PRKDC: variants seen among roughly 807,000 people sequenced by gnomAD.
PRKDC encodes DNA-dependent protein kinase catalytic subunit.
A neutral mutation model predicts 486.9 loss-of-function variants in PRKDC; 82 were observed. The observed-to-expected ratio is 0.17, with a 90% CI of 0.14 to 0.20. PRKDC has a LOEUF of 0.20. Among genes scored for constraint, PRKDC ranks in the 10% least tolerant of loss-of-function variants. PRKDC has a pLI of 1.00. For missense variants in PRKDC, 4,504 were observed against 5,038.2 expected, an observed-to-expected ratio of 0.89 and a Z score of 3.21; for synonymous variants, 1,895 against 1,837.0, an observed-to-expected ratio of 1.03 and a Z score of -0.81.
chr8:47,933,307 G>T, intron 15 of PRKDC, 135 bp from the exon 16 acceptor site: 1 of 679,994 alleles, frequency 1.5e-6, no homozygotes, highest in South Asian at 3.1e-5. Context: ...AACTGCAGCA[G>T]ATTTACCTGG....
intron 1 of PRKDC, among the ~76,000 whole-genome samples, chr8:47,958,753 T>G (rs7015408): frequency 0.011 from 1,696 of 150,810 alleles, 38 homozygotes; most frequent in African/African-American, 0.038. Flanking sequence ...TTTTTTTTTT[T>G]GGGACGGAGT....
intron 26 of PRKDC, 55 bp downstream of exon 26, chr8:47,904,814 C>T: frequency 7.6e-7 from 1 of 1,307,594 alleles, no homozygotes; most frequent in Non-Finnish European, 1.1e-6. Flanking sequence ...AATAAACAAA[C>T]ATCAAATACA....
chr8:47,933,756 T>C lies in PRKDC; in HGVS notation c.1623+209A>G, dbSNP rs57269499. Among the ~76,000 whole-genome samples the C allele has an allele frequency of 3.9e-5, 6 of 152,184 alleles. No individual in the cohort carries two copies. In the East Asian group the frequency reaches 1.2e-3, roughly 29 times the overall value. On this transcript the variant is annotated intron_variant, in intron 15 of 85. Coordinates refer to ENST00000314191, the MANE Select transcript of PRKDC (RefSeq NM_006904.7). ...GCTACAGTAACTAATGTTAAAGGAGTTCTATGTCTGTGTTTCTTTCAATTC... is the reference window on the plus strand; with the variant it reads ...GCTACAGTAACTAATGTTAAAGGAGCTCTATGTCTGTGTTTCTTTCAATTC...
intron 61 of PRKDC, among the ~76,000 whole-genome samples, chr8:47,829,537 A>C (rs1455882628): frequency 6.6e-6 from 1 of 152,220 alleles, no homozygotes; most frequent in Non-Finnish European, 1.5e-5. Flanking sequence ...GCTATGTATG[A>C]CTAAAACATA....
Position 47,860,079 on chromosome 8 carries a change from C to T in PRKDC, c.6059-320G>A, listed in dbSNP as rs185506371. On this transcript the variant is annotated intron_variant, in intron 45 of 85. Transcript: ENST00000314191. ...TGTACATTTTGCCCATTAAGTCTAA[C>T]AAAAATGTGGGAAGAAATACCACTG... Among the ~76,000 whole-genome samples, 8 of 152,218 alleles carry T rather than the reference C, an allele frequency of 5.3e-5. No homozygotes were observed. The East Asian group carries it at 1.3e-3, about 26-fold the overall frequency.
chr8:47,899,785 T>C (rs1269955927), intron 28 of PRKDC, among the ~76,000 whole-genome samples: 1 of 152,222 alleles, frequency 6.6e-6, no homozygotes, highest in African/African-American at 2.4e-5. Flanking sequence ...AACGGGGAGT[T>C]AAGAAGTCTT....
At chr8:47,813,309 G>A (rs1327876642) in intron 68 of PRKDC, among the ~76,000 whole-genome samples, 1 of 151,782 alleles carries the variant, frequency 6.6e-6, no homozygotes, top group African/African-American at 2.4e-5. Context: ...GTAGAGGCAG[G>A]GCTTCACCAT....
chr8:47,810,887 A>C (rs1335495725), intron 68 of PRKDC, among the ~76,000 whole-genome samples: 1 of 152,232 alleles, frequency 6.6e-6, no homozygotes, highest in Non-Finnish European at 1.5e-5. Flanking sequence ...AATCTGATGA[A>C]TAAACAACAA....
At chr8:47,783,937 C>A in intron 77 of PRKDC, 128 bp from the exon 78 acceptor site, 2 of 919,470 alleles carry the variant, frequency 2.2e-6, no homozygotes, top group South Asian at 2.9e-5. Flanking sequence ...GAAAAGTTTT[C>A]ACTTAAAGGG....
At chr8:47,955,493 CAT>C (rs1323170195) in intron 4 of PRKDC, among the ~76,000 whole-genome samples, 1 of 127,290 alleles carries the variant, frequency 7.9e-6, no homozygotes, top group Non-Finnish European at 1.7e-5. Flanking sequence ...AAAAAGAAAA[CAT>C]ATGAACTCTT....
intron 74 of PRKDC, among the ~76,000 whole-genome samples, chr8:47,791,921 C>G (rs1260858880): frequency 6.6e-6 from 1 of 152,082 alleles, no homozygotes; most frequent in Admixed American, 6.5e-5. Flanking sequence ...CTATTCACAA[C>G]GGCCAAAATT....
At chr8:47,872,627 C>G (rs2088980751) in intron 40 of PRKDC, among the ~76,000 whole-genome samples, 1 of 151,616 alleles carries the variant, frequency 6.6e-6, no homozygotes, top group Non-Finnish European at 1.5e-5. Flanking sequence ...CAAAACAGAG[C>G]AGGAGTAGCT....
chr8:47,839,347 G>C, intron 55 of PRKDC, 101 bp from the exon 56 acceptor site: 1 of 828,116 alleles, frequency 1.2e-6, no homozygotes, highest in Admixed American at 2.1e-5. Flanking sequence ...TAAAAGGCTT[G>C]TTTTCCCATT....
chr8:47,955,185 G>A (rs1479186675), intron 4 of PRKDC, among the ~76,000 whole-genome samples: 6 of 146,476 alleles, frequency 4.1e-5, no homozygotes, highest in Non-Finnish European at 6.0e-5. Context: ...CATATGGGCC[G>A]GGCGCGGTGG....
chr8:47,914,793 GAAA>G (rs538297890), intron 23 of PRKDC, among the ~76,000 whole-genome samples: 2 of 125,768 alleles, frequency 1.6e-5, no homozygotes, highest in Admixed American at 8.0e-5. Context: ...AGAGCGAGGG[GAAA>G]AAAAAAAAAA....
chr8:47,866,915 T>C (rs2088831211), intron 40 of PRKDC, among the ~76,000 whole-genome samples: 1 of 152,174 alleles, frequency 6.6e-6, no homozygotes, highest in East Asian at 1.9e-4. Flanking sequence ...TTAAAATATT[T>C]TTTGTAATGA....
intron 36 of PRKDC, among the ~76,000 whole-genome samples, chr8:47,885,402 C>T (rs1242133970): frequency 2.0e-5 from 3 of 152,002 alleles, no homozygotes; most frequent in Non-Finnish European, 4.4e-5. Flanking sequence ...ATCCGCTCAC[C>T]TCCACCTCCC....
chr8:47,942,439 A>G (rs538576877), intron 10 of PRKDC, among the ~76,000 whole-genome samples: 1 of 152,310 alleles, frequency 6.6e-6, no homozygotes, highest in East Asian at 1.9e-4. Flanking sequence ...AGGCCCAGAC[A>G]TGAAAAAAGG....
intron 74 of PRKDC, among the ~76,000 whole-genome samples, chr8:47,790,179 A>C (rs1263421040): frequency 1.3e-5 from 2 of 152,236 alleles, no homozygotes; most frequent in Non-Finnish European, 2.9e-5. Flanking sequence ...CTCCACCACA[A>C]AACCATCAGA....
Sources: gnomAD v4.1 joint callset for allele counts (sites outside exome capture counted in the v4.1 genomes callset) on GRCh38, gnomAD v4.1.1 for gene constraint, MANE v1.5 for transcripts, NCBI Gene and HGNC (gene_info 2026-07-23, HGNC 2026-07-21) for gene names.